The following MEPE variants were observed in gnomAD, a reference collection of about 807,000 sequenced individuals.
MEPE encodes the protein matrix, extracellular phosphoglycoprotein with ASARM motif (bone).
In MEPE, 7 loss-of-function variants were observed where a neutral mutation model predicts 7.3. The ratio of observed to expected loss-of-function variants is 0.95; its 90% confidence interval spans 0.54 to 1.79. The LOEUF (loss-of-function observed/expected upper bound fraction) is 1.79, where lower values mean the gene tolerates loss of function less well. Ranked by LOEUF, MEPE falls within the 40% of genes most tolerant of loss-of-function variation. The probability of loss-of-function intolerance (pLI) is 0.00; values close to 1 mark genes in which losing one functional copy is unlikely to be tolerated. For synonymous variants in MEPE, 214 were observed against 213.1 expected, an observed-to-expected ratio of 1.00 and a Z score of -0.04; for missense variants, 623 against 628.2, an observed-to-expected ratio of 0.99 and a Z score of 0.09.
At chr4:87,825,329 T>G (rs1254217192) in intron 1 of MEPE, among the ~76,000 whole-genome samples, 1 of 152,140 alleles carries the variant, frequency 6.6e-6, no homozygotes, top group Non-Finnish European at 1.5e-5. Context: ...TCCTGCTACA[T>G]AAAATGGGCC....
intron 1 of MEPE, among the ~76,000 whole-genome samples, chr4:87,826,410 T>C (rs1560533424): frequency 1.3e-5 from 2 of 151,766 alleles, no homozygotes; most frequent in South Asian, 2.1e-4. Context: ...TTTTTGTTTT[T>C]GTTTTTTTTT....
At chr4:87,838,564 T>G in intron 2 of MEPE, 68 bp from the exon 3 acceptor site, 2 of 1,396,320 alleles carry the variant, frequency 1.4e-6, no homozygotes, top group Non-Finnish European at 2.0e-6. Flanking sequence ...AAATGAAACA[T>G]TTGTTTGAAG....
rs375163163 is a variant in MEPE at position 87,846,172 on chromosome 4, G to A, written c.1304G>A (p.Gly435Asp). The A allele has an allele frequency of 6.2e-7, 1 of 1,613,942 alleles. No individual in the cohort carries two copies. Among genetic ancestry groups the A allele is most frequent in the Non-Finnish European group, 8.5e-7 (1 of 1,179,962 alleles). The change falls in exon 4 of 4, where the codon GGC (glycine) becomes GAC (aspartate). Residue 435 changes from glycine to aspartate, a missense_variant. Physicochemically the swap from Gly to Asp is moderately conservative, Grantham distance 94 (BLOSUM62 -1). Transcript: ENST00000361056. The stretch of plus-strand genomic sequence containing the variant: ...TTTCCTAGTAAGGGCAAAAGTCAGG[G>A]CCTGCCCATTCCTTCTCGTGGTCTT... ...QRFPSKGKSQ[G>D]LPIPSRGLDN... is the part of the protein sequence containing the mutation.
At chr4:87,822,129 C>T (rs1489518441) in intron 1 of MEPE, among the ~76,000 whole-genome samples, 1 of 152,146 alleles carries the variant, frequency 6.6e-6, no homozygotes, top group Non-Finnish European at 1.5e-5. Context: ...TCTTACCTCC[C>T]AAAGTCTATC....
chr4:87,832,567 C>G (rs996693545), upstream of MEPE, among the ~76,000 whole-genome samples: 2 of 152,182 alleles, frequency 1.3e-5, no homozygotes, highest in African/African-American at 4.8e-5. Context: ...GCCTGTCACA[C>G]AGTAGGCACC....
Position 87,845,763 on chromosome 4 carries a change from A to G in MEPE, c.895A>G (p.Lys299Glu). 1 of 1,613,988 alleles carries G rather than the reference A, an allele frequency of 6.2e-7. No homozygotes were observed. The highest frequency in any genetic ancestry group is 8.5e-7 in the Non-Finnish European group (1 of 1,179,942). Residue 299 changes from lysine to glutamate, a missense_variant, in exon 4 of 4, where the codon AAA becomes GAA. Transcript: ENST00000361056. ...SEAESTHLDTKKPGYNEIPER... is the reference protein window; with the variant it reads ...SEAESTHLDTEKPGYNEIPER... ...AGCTGAGAGTACTCATCTTGACACA[A>G]AAAAGCCAGGTTATAATGAGATCCC...
Position 87,846,344 on chromosome 4 carries a change from G to A in MEPE, c.1476G>A (p.Trp492Ter), listed in dbSNP as rs1723263560. ...NKGMPQGKGS[W>*]GRQPHSNRRF... is the part of the protein sequence containing the mutation. ...GTATGCCACAAGGGAAAGGCTCCTGGGGTAGACAACCCCATTCCAACAGGA... is the reference window on the plus strand; with the variant it reads ...GTATGCCACAAGGGAAAGGCTCCTGAGGTAGACAACCCCATTCCAACAGGA... The change falls in exon 4 of 4, where the codon TGG (tryptophan) becomes TGA (stop). Residue 492 changes from tryptophan (W) to a stop codon, truncating the protein, a stop_gained. Coordinates refer to ENST00000361056, the MANE Select transcript of MEPE (RefSeq NM_020203.6). LOFTEE classifies it low-confidence loss of function (END_TRUNC). 6.2e-7 allele frequency: 1 copy of A among 1,614,028 alleles called. No individual in the cohort carries two copies.
chr4:87,846,292 G>A lies in MEPE; in HGVS notation c.1424G>A (p.Arg475Lys), dbSNP rs753441970. The A allele has an allele frequency of 1.1e-5, 17 of 1,613,892 alleles. No individual in the cohort carries two copies. In the South Asian group the frequency reaches 1.5e-4, roughly 15 times the overall value. ...HGRKYHYVPHRQNNSTRNKGM... is the reference protein window; with the variant it reads ...HGRKYHYVPHKQNNSTRNKGM... Reference sequence around the variant, plus strand: ...AGAAAATATCATTATGTACCCCACAGACAAAATAATTCTACACGGAATAAG... The same window carrying A: ...AGAAAATATCATTATGTACCCCACAAACAAAATAATTCTACACGGAATAAG... Residue 475 changes from arginine (R) to lysine (K), a missense_variant, in exon 4 of 4, where the codon AGA becomes AAA. Transcript: ENST00000361056.
rs1723174577 is a variant in MEPE at position 87,845,284 on chromosome 4, A to G, written c.416A>G (p.Gln139Arg). The G allele has an allele frequency of 6.2e-7, 1 of 1,614,072 alleles. No individual in the cohort carries two copies. The highest frequency in any genetic ancestry group is 1.3e-5 in the African/African-American group (1 of 75,046). The change falls in exon 4 of 4, where the codon CAA (glutamine) becomes CGA (arginine). Residue 139 changes from glutamine to arginine, a missense_variant. Physicochemically the swap from Gln to Arg is conservative, Grantham distance 43. Coordinates refer to ENST00000361056, the MANE Select transcript of MEPE (RefSeq NM_020203.6). ...GDDAISKLHD[Q>R]EEYGAALIRN... Reference sequence around the variant, plus strand: ...GATGCTATCAGCAAACTACATGACCAAGAAGAATATGGCGCAGCTCTCATC... The same window carrying G: ...GATGCTATCAGCAAACTACATGACCGAGAAGAATATGGCGCAGCTCTCATC...
intron 3 of MEPE, among the ~76,000 whole-genome samples, chr4:87,844,282 C>G (rs1449222903): frequency 6.6e-6 from 1 of 152,148 alleles, no homozygotes; most frequent in Non-Finnish European, 1.5e-5. Context: ...GCCAAGCTTA[C>G]TGAAAGTTGG....
At chr4:87,835,473 G>C (rs1578056425) in intron 2 of MEPE, among the ~76,000 whole-genome samples, 2 of 152,198 alleles carry the variant, frequency 1.3e-5, no homozygotes, top group African/African-American at 4.8e-5. Flanking sequence ...TAACTTATCA[G>C]AATAACCTTT....
Position 87,845,981 on chromosome 4 carries a change from G to A in MEPE, c.1113G>A (p.Glu371=). 1 of 1,613,954 alleles carries A rather than the reference G, an allele frequency of 6.2e-7. No individual in the cohort carries two copies. The highest frequency in any genetic ancestry group is 8.5e-7 in the Non-Finnish European group (1 of 1,179,964). Residue 371 remains glutamate (E), a synonymous_variant, in exon 4 of 4, where the codon GAG becomes GAA. Coordinates refer to ENST00000361056, the MANE Select transcript of MEPE (RefSeq NM_020203.6). ...AAAATGCTCACCAAGGGAAGGTTGA[G>A]TTTCATTACCCTCCTGCACCCTCAA... ...GSQNAHQGKV[E]FHYPPAPSKE... is the part of the protein sequence containing the mutation.
upstream of MEPE, among the ~76,000 whole-genome samples, chr4:87,828,672 A>G (rs977748283): frequency 1.3e-5 from 2 of 152,136 alleles, no homozygotes; most frequent in South Asian, 4.1e-4. Flanking sequence ...ATTTTATATG[A>G]TTGTTCACAC....
At chr4:87,844,697 T>G (rs1211645137) in intron 3 of MEPE, among the ~76,000 whole-genome samples, 1 of 152,186 alleles carries the variant, frequency 6.6e-6, no homozygotes, top group Non-Finnish European at 1.5e-5. Flanking sequence ...AATTGTGTCC[T>G]GTTTCCAAAC....
At chr4:87,829,865 C>CTTTTTTT (rs3037623), upstream of MEPE, among the ~76,000 whole-genome samples, 1 of 111,884 alleles carries the variant, frequency 8.9e-6, no homozygotes, top group Non-Finnish European at 1.9e-5. Context: ...CACCCAAATC[C>CTTTTTTT]TTTTTTTTTT....
intron 1 of MEPE, among the ~76,000 whole-genome samples, chr4:87,827,284 A>G (rs1424668737): frequency 6.6e-6 from 1 of 152,228 alleles, no homozygotes; most frequent in African/African-American, 2.4e-5. Context: ...TGGTATGTTT[A>G]TAGCAACAGA....
upstream of MEPE, among the ~76,000 whole-genome samples, chr4:87,829,722 AT>A (rs5860096): frequency 0.95 from 144,151 of 152,136 alleles, 68,381 homozygotes; most frequent in Middle Eastern, 0.98. Flanking sequence ...GAAAATGAGC[AT>A]TTTTTGTGGA....
At chr4:87,836,769 A>T (rs1722812124) in intron 2 of MEPE, among the ~76,000 whole-genome samples, 1 of 152,192 alleles carries the variant, frequency 6.6e-6, no homozygotes, top group African/African-American at 2.4e-5. Context: ...GAGGCAGAAG[A>T]TTTAAATTAA....
intron 1 of MEPE, among the ~76,000 whole-genome samples, chr4:87,824,492 T>G (rs1006507886): frequency 6.6e-6 from 1 of 152,218 alleles, no homozygotes; most frequent in Non-Finnish European, 1.5e-5. Context: ...TACTCAACTC[T>G]GACACTGTAG....
Sources: allele counts gnomAD v4.1 joint callset (sites outside exome capture counted in the v4.1 genomes callset), GRCh38; gene constraint gnomAD v4.1.1; transcripts MANE v1.5; gene names NCBI Gene and HGNC (gene_info 2026-07-23, HGNC 2026-07-21).